OTX2: variants seen among roughly 807,000 people sequenced by gnomAD.
OTX2 encodes the protein orthodenticle homeobox 2.
OTX2 carries 4 observed loss-of-function variants against 29.0 expected under a neutral mutation model. That is an observed-to-expected ratio of 0.14 (90% CI 0.07 to 0.32). The LOEUF is 0.32. OTX2 is among the 10% of genes least tolerant of loss of function. OTX2 has a pLI of 1.00. For synonymous variants in OTX2, 134 were observed against 141.0 expected, an observed-to-expected ratio of 0.95 and a Z score of 0.35; for missense variants, 298 against 365.9, an observed-to-expected ratio of 0.81 and a Z score of 1.51.
intron 2 of OTX2, chr14:56,806,696 C>T (rs894048852): frequency 1.4e-4 from 21 of 152,198 alleles, no homozygotes; most frequent in Admixed American, 5.2e-4. Context: ...AGTAGAATTT[C>T]TCCCTACCTT....
chr14:56,801,730 G>C lies in OTX2; in HGVS notation c.*5C>G, dbSNP rs776053080. 4 of 1,613,502 alleles carry C rather than the reference G, an allele frequency of 2.5e-6. No homozygotes were observed. Among genetic ancestry groups the C allele is most frequent in the Admixed American group, 1.7e-5 (1 of 60,006 alleles). The stretch of plus-strand genomic sequence containing the variant: ...ATCACCCACAAAAAGAGGTTCTACA[G>C]GTCTTCACAAAACCTGGAATTTCCA... On this transcript the variant is annotated 3_prime_UTR_variant, in exon 5 of 5. Coordinates refer to ENST00000672264, the MANE Select transcript of OTX2 (RefSeq NM_021728.4). The surrounding 1 kb of genome is among the most constrained non-coding windows in gnomAD (Gnocchi z 4.2).
At chr14:56,806,829 T>C (rs962206998) in intron 2 of OTX2, 1 of 152,220 alleles carries the variant, frequency 6.6e-6, no homozygotes, top group Non-Finnish European at 1.5e-5. Flanking sequence ...AGATTCAAAG[T>C]AGATGTTAAT....
intron 2 of OTX2, among the ~76,000 whole-genome samples, chr14:56,806,958 G>A (rs1892109144): frequency 6.6e-6 from 1 of 152,000 alleles, no homozygotes; most frequent in Admixed American, 6.6e-5. Context: ...GCGGATACAA[G>A]ATAAAGGTCT....
Position 56,804,727 on chromosome 14 carries a change from T to C in OTX2, c.98-364A>G, listed in dbSNP as rs982957878. On this transcript the variant is annotated intron_variant, in intron 3 of 4. Coordinates refer to ENST00000672264, the MANE Select transcript of OTX2 (RefSeq NM_021728.4). This position sits in a 1 kb window ranked among gnomAD's most constrained non-coding sequence, Gnocchi z 4.1. ...AGGACAGACTGGCAGCTCGAATTGA[T>C]GGGGGAAATCTGGATCCTGTTCCCA... Among the ~76,000 whole-genome samples, 4 of 152,136 alleles carry C rather than the reference T, an allele frequency of 2.6e-5. No homozygotes were observed. Among genetic ancestry groups the C allele is most frequent in the Non-Finnish European group, 1.5e-5 (1 of 68,018 alleles).
Position 56,804,336 on chromosome 14 carries a change from G to C in OTX2, c.125C>G (p.Thr42Ser). 1.2e-6 allele frequency: 2 copies of C among 1,613,936 alleles called. No homozygotes were observed. The highest frequency in any genetic ancestry group is 1.7e-6 in the Non-Finnish European group (2 of 1,180,008). ...CCTCTCCCGGCGCTGTTTCCGGGGGGTGGCTGCGGGACAAGAAGCCCAGGG... is the reference window on the plus strand; with the variant it reads ...CCTCTCCCGGCGCTGTTTCCGGGGGCTGGCTGCGGGACAAGAAGCCCAGGG... ...PGPWASCPAA[T>S]PRKQRRERTT... Residue 42 changes from threonine to serine, a missense_variant, in exon 4 of 5, where the codon ACC (threonine) becomes AGC (serine). Coordinates refer to ENST00000672264, the MANE Select transcript of OTX2 (RefSeq NM_021728.4). The surrounding 1 kb of genome is among the most constrained non-coding windows in gnomAD (Gnocchi z 4.1).
At position 56,804,068 on chromosome 14, in the gene OTX2, G is replaced by A; in HGVS notation, c.273+120C>T. ...GAGAATAGTTTCCTGGCCCCTTAGT[G>A]AGTGAAGGAGAATTTCAAGCCTTCC... On this transcript the variant is annotated intron_variant, in intron 4 of 4. Coordinates refer to ENST00000672264, the MANE Select transcript of OTX2 (RefSeq NM_021728.4). This position sits in a 1 kb window ranked among gnomAD's most constrained non-coding sequence, Gnocchi z 4.1. The A allele has an allele frequency of 1.7e-6, 2 of 1,178,182 alleles. No homozygotes were observed. Among genetic ancestry groups the A allele is most frequent in the Non-Finnish European group, 2.5e-6 (2 of 795,946 alleles). 73.0% of individuals were successfully genotyped at this position (1,178,182 alleles called of 1,614,324 possible).
chr14:56,805,946 A>G (rs1423629484), intron 2 of OTX2, among the ~76,000 whole-genome samples: 1 of 152,166 alleles, frequency 6.6e-6, no homozygotes, highest in Non-Finnish European at 1.5e-5. Flanking sequence ...GGCACTAGCT[A>G]ATTGTCTCAA....
At chr14:56,805,713 C>T (rs1391967928) in intron 2 of OTX2, 138 bp from the exon 3 acceptor site, 2 of 454,552 alleles carry the variant, frequency 4.4e-6, no homozygotes, top group Non-Finnish European at 8.0e-6. Flanking sequence ...GCAGACACTC[C>T]CCCCACCCCC....
chr14:56,801,397 C>A lies in OTX2; in HGVS notation c.*338G>T. 2 of 357,490 alleles carry A rather than the reference C, an allele frequency of 5.6e-6. No homozygotes were observed. The highest frequency in any genetic ancestry group is 9.4e-4 in the Middle Eastern group (1 of 1,068). 22.1% of individuals were successfully genotyped at this position (357,490 alleles called of 1,614,324 possible). A position where few individuals can be genotyped will look rare whatever the true frequency, so the allele number is the denominator to read the frequency against. ...ACACCTCTGCTTAAGAAGGCTATGA[C>A]CTTCCCTCCCTTCCTTCACAACTTA... On this transcript the variant is annotated 3_prime_UTR_variant, in exon 5 of 5. Coordinates refer to ENST00000672264, the MANE Select transcript of OTX2 (RefSeq NM_021728.4). This position sits in a 1 kb window ranked among gnomAD's most constrained non-coding sequence, Gnocchi z 4.2.
intron 4 of OTX2, among the ~76,000 whole-genome samples, chr14:56,803,303 C>T (rs1402511365): frequency 1.3e-5 from 2 of 152,180 alleles, no homozygotes; most frequent in Non-Finnish European, 2.9e-5. Flanking sequence ...AGTGAGGCCA[C>T]CAAGGCCAAG....
intron 2 of OTX2, among the ~76,000 whole-genome samples, chr14:56,809,285 C>T (rs1477168292): frequency 6.6e-6 from 1 of 152,204 alleles, no homozygotes; most frequent in Non-Finnish European, 1.5e-5. Flanking sequence ...CGCGACCCGG[C>T]AAAGTCATGT....
rs1322804815 is a variant in OTX2 at position 56,801,850 on chromosome 14, G to A, written c.779C>T (p.Ser260Leu). The change falls in exon 5 of 5, where the codon TCA becomes TTA. Residue 260 changes from serine to leucine, a missense_variant. By Grantham distance (145) the Ser-to-Leu change is moderately radical. Coordinates refer to ENST00000672264, the MANE Select transcript of OTX2 (RefSeq NM_021728.4). The surrounding 1 kb of genome is among the most constrained non-coding windows in gnomAD (Gnocchi z 4.2). ...CTTATAATCCAAGCAATCAGTGGTT[G>A]AGTTAAAACCCAAGCTTGAAGCTCC... is the stretch of plus-strand genomic sequence containing the variant. Reference protein sequence around the residue: ...GYGASSLGFNSTTDCLDYKDQ... With the variant: ...GYGASSLGFNLTTDCLDYKDQ... 2 of 1,614,202 alleles carry A rather than the reference G, an allele frequency of 1.2e-6. No homozygotes were observed. The highest frequency in any genetic ancestry group is 1.7e-6 in the Non-Finnish European group (2 of 1,180,046).
intron 3 of OTX2, 47 bp downstream of exon 3, chr14:56,805,313 G>T: frequency 7.9e-7 from 1 of 1,262,530 alleles, no homozygotes; most frequent in South Asian, 1.2e-5. Flanking sequence ...TCCCCGGAGG[G>T]TGGGCATGGG....
At chr14:56,809,755 C>T (rs1309808390) in intron 2 of OTX2, among the ~76,000 whole-genome samples, 1 of 152,212 alleles carries the variant, frequency 6.6e-6, no homozygotes, top group Non-Finnish European at 1.5e-5. Context: ...TAAAAAGGTC[C>T]CTGGGATCCA....
intron 2 of OTX2, among the ~76,000 whole-genome samples, chr14:56,809,465 C>T (rs1382931859): frequency 6.6e-6 from 1 of 152,212 alleles, no homozygotes; most frequent in Admixed American, 6.5e-5. Context: ...AAACAGACAA[C>T]CGAGCTGTGC....
In OTX2 at chr14:56,801,900, T is replaced by C; in HGVS notation, c.729A>G (p.Pro243=). 1 of 1,614,204 alleles carries C rather than the reference T, an allele frequency of 6.2e-7. No individual in the cohort carries two copies. The highest frequency in any genetic ancestry group is 8.5e-7 in the Non-Finnish European group (1 of 1,180,042). Residue 243 remains proline, a synonymous_variant, in exon 5 of 5, where the codon CCA becomes CCG. Transcript: ENST00000672264. This position sits in a 1 kb window ranked among gnomAD's most constrained non-coding sequence, Gnocchi z 4.2. ...CATATCCCTGGGTGGAAAGAGAAGC[T>C]GGGGACTGATTGAGATGGCTGGTGA... ...NAVTSHLNQS[P]ASLSTQGYGA...
chr14:56,801,725 C>T lies in OTX2; in HGVS notation c.*10G>A, dbSNP rs171978. On this transcript the variant is annotated 3_prime_UTR_variant, in exon 5 of 5. Coordinates refer to ENST00000672264, the MANE Select transcript of OTX2 (RefSeq NM_021728.4). The surrounding 1 kb of genome is among the most constrained non-coding windows in gnomAD (Gnocchi z 4.2). Reference sequence around the variant, plus strand: ...TAAAAATCACCCACAAAAAGAGGTTCTACAGGTCTTCACAAAACCTGGAAT... The same window carrying T: ...TAAAAATCACCCACAAAAAGAGGTTTTACAGGTCTTCACAAAACCTGGAAT... The T allele has an allele frequency of 0.083, 133,979 of 1,613,006 alleles. 6,404 individuals carry two copies. Among genetic ancestry groups the T allele is most frequent in the Non-Finnish European group, 0.099 (116,990 of 1,179,530 alleles).
Position 56,804,950 on chromosome 14 carries a change from C to A in OTX2, c.97+410G>T, listed in dbSNP as rs541917176. On this transcript the variant is annotated intron_variant, in intron 3 of 4. Transcript: ENST00000672264. This position sits in a 1 kb window ranked among gnomAD's most constrained non-coding sequence, Gnocchi z 4.1. Reference sequence around the variant, plus strand: ...GGGCATGGAGGGAACAACTGCGAAGCCCGAGAGTGCTAAGGACTTACGGAG... The same window carrying A: ...GGGCATGGAGGGAACAACTGCGAAGACCGAGAGTGCTAAGGACTTACGGAG... 2.0e-5 allele frequency among the ~76,000 whole-genome samples: 3 copies of A among 152,164 alleles called. No homozygotes were observed. Among genetic ancestry groups the A allele is most frequent in the Non-Finnish European group, 4.4e-5 (3 of 68,034 alleles).
intron 2 of OTX2, among the ~76,000 whole-genome samples, chr14:56,809,750 A>G (rs899156050): frequency 3.9e-5 from 6 of 152,044 alleles, no homozygotes; most frequent in African/African-American, 1.2e-4. Context: ...GACTCTAAAA[A>G]GGTCCCTGGG....
Sources: allele counts gnomAD v4.1 joint callset (sites outside exome capture counted in the v4.1 genomes callset), GRCh38; gene constraint gnomAD v4.1.1; non-coding constraint Gnocchi (gnomAD v3.1); transcripts MANE v1.5; gene names NCBI Gene and HGNC (gene_info 2026-07-23, HGNC 2026-07-21).